Variants in CCDC88C observed in about 807,000 individuals in gnomAD.
CCDC88C encodes protein Daple.
In CCDC88C, 131 loss-of-function variants were observed where a neutral mutation model predicts 198.8. That is an observed-to-expected ratio of 0.66 (90% CI 0.57 to 0.76). CCDC88C has a LOEUF of 0.76. Ranked by LOEUF, CCDC88C falls within the 30% of genes least tolerant of loss-of-function variation. CCDC88C has a pLI of 0.00. For missense variants in CCDC88C, 2,553 were observed against 2,631.6 expected (o/e 0.97, Z 0.65); for synonymous variants, 1,166 against 1,114.7 (o/e 1.05, Z -0.92).
intron 4 of CCDC88C, among the ~76,000 whole-genome samples, chr14:91,349,356 G>A (rs1195997867): frequency 1.3e-5 from 2 of 152,222 alleles, no homozygotes; most frequent in Non-Finnish European, 2.9e-5. Flanking sequence ...GGCAAGTGTG[G>A]GCTTTCCAGG....
At chr14:91,403,659 C>T (rs1886336186) in intron 3 of CCDC88C, among the ~76,000 whole-genome samples, 1 of 152,394 alleles carries the variant, frequency 6.6e-6, no homozygotes, top group East Asian at 1.9e-4. Flanking sequence ...GTGAGCCTTA[C>T]AGGCTCGTGC....
chr14:91,346,572 C>T (rs1024575059), intron 4 of CCDC88C, among the ~76,000 whole-genome samples: 8 of 152,056 alleles, frequency 5.3e-5, no homozygotes, highest in Admixed American at 1.3e-4. Context: ...TCCCTATTAA[C>T]GTGGAGCTAT....
At chr14:91,412,682 A>G (rs956752600) in intron 2 of CCDC88C, among the ~76,000 whole-genome samples, 9 of 151,926 alleles carry the variant, frequency 5.9e-5, no homozygotes, top group South Asian at 2.1e-4. Context: ...TGATCCGCCC[A>G]CCTCAGCCTC....
At chr14:91,311,310 C>T (rs1473141020) in intron 15 of CCDC88C, among the ~76,000 whole-genome samples, 2 of 152,228 alleles carry the variant, frequency 1.3e-5, no homozygotes, top group African/African-American at 2.4e-5. Context: ...CCCCACAGCA[C>T]ATGGAATTGC....
chr14:91,398,156 C>T (rs1263108903), intron 3 of CCDC88C, among the ~76,000 whole-genome samples: 7 of 152,220 alleles, frequency 4.6e-5, no homozygotes, highest in Non-Finnish European at 1.0e-4. Context: ...CTGAGTCCCA[C>T]AGTTCCTCGC....
At position 91,294,309 on chromosome 14, in the gene CCDC88C, G is replaced by A. The variant is rs371122125; in HGVS notation, c.3976C>T (p.Arg1326Cys). 116 of 1,613,758 alleles carry A rather than the reference G, an allele frequency of 7.2e-5. No homozygotes were observed. The highest frequency in any genetic ancestry group is 3.4e-4 in the South Asian group (31 of 91,088). ...TCTTCCTCCAAGTTCCCCTTGAGAC[G>A]GGAGAGCAGCTAGAACACAGACCAA... ...KLDNHCELLSRLKGNLEEENH... is the reference protein window; with the variant it reads ...KLDNHCELLSCLKGNLEEENH... Residue 1326 changes from arginine (R) to cysteine (C), a missense_variant, in exon 23 of 30, where the codon CGT becomes TGT. This residue lies in a region of CCDC88C where 1,293 missense variants were observed against 1,219.6 expected (regional missense o/e 1.06). Coordinates refer to ENST00000389857, the MANE Select transcript of CCDC88C (RefSeq NM_001080414.4).
At chr14:91,297,552 C>G (rs1891064245) in intron 21 of CCDC88C, 61 bp from the exon 22 acceptor site, 1 of 1,514,946 alleles carries the variant, frequency 6.6e-7, no homozygotes, top group African/African-American at 1.4e-5. Context: ...GGTAACGGCC[C>G]AGAGACCTGG....
intron 2 of CCDC88C, among the ~76,000 whole-genome samples, chr14:91,409,662 A>G (rs1005213618): frequency 3.4e-5 from 5 of 147,652 alleles, no homozygotes; most frequent in Admixed American, 6.7e-5. Flanking sequence ...TAATTTTTGT[A>G]TTTTTAGTAA....
At chr14:91,319,717 C>T (rs1478290668) in intron 13 of CCDC88C, among the ~76,000 whole-genome samples, 4 of 152,332 alleles carry the variant, frequency 2.6e-5, no homozygotes, top group Non-Finnish European at 5.9e-5. Flanking sequence ...ATCCCCACAA[C>T]AGCCAGCATA....
chr14:91,295,438 C>T (rs1048509563), intron 22 of CCDC88C, among the ~76,000 whole-genome samples: 7 of 152,334 alleles, frequency 4.6e-5, no homozygotes, highest in African/African-American at 4.8e-5. Context: ...GGCAAGTCAG[C>T]GGTCTGCAGG....
rs3950029 is a variant in CCDC88C at position 91,283,421 on chromosome 14, G to A, written c.4538C>T (p.Ser1513Leu). The A allele has an allele frequency of 2.1e-4, 336 of 1,613,682 alleles. 2 individuals are homozygous for A. In the African/African-American group the frequency reaches 4.0e-3, roughly 19 times the overall value. The stretch of plus-strand genomic sequence containing the variant: ...TGAGCAAGTCCGGGAGCCCAGCTCC[G>A]AGGGCCAGGACCTCATGGCCAGATC... ...STDLAMRSWPSELGSRTCSTS... is the reference protein window; with the variant it reads ...STDLAMRSWPLELGSRTCSTS... Residue 1513 changes from serine to leucine, a missense_variant, in exon 26 of 30, where the codon TCG becomes TTG. Ser to Leu is a moderately radical substitution (Grantham distance 145). Around this residue, in one of 2 missense-constraint regions of CCDC88C, gnomAD observed 1,293 missense variants for 1,219.6 expected, o/e 1.06. Coordinates refer to ENST00000389857, the MANE Select transcript of CCDC88C (RefSeq NM_001080414.4).
At chr14:91,385,809 A>AT (rs1885097715) in intron 3 of CCDC88C, among the ~76,000 whole-genome samples, 2 of 151,678 alleles carry the variant, frequency 1.3e-5, no homozygotes, top group Admixed American at 6.5e-5. Flanking sequence ...TTAAAAAAAA[A>AT]AATAATTAAT....
chr14:91,318,319 T>C (rs1253611315), intron 13 of CCDC88C, among the ~76,000 whole-genome samples: 1 of 150,886 alleles, frequency 6.6e-6, no homozygotes, highest in Non-Finnish European at 1.5e-5. Flanking sequence ...GGGAGGCTGA[T>C]GTGGGAGGAT....
chr14:91,273,544 T>C lies in CCDC88C; in HGVS notation c.5168A>G (p.Lys1723Arg). 1 of 1,514,176 alleles carries C rather than the reference T, an allele frequency of 6.6e-7. No individual in the cohort carries two copies. Among genetic ancestry groups the C allele is most frequent in the South Asian group, 1.3e-5 (1 of 75,662 alleles). 93.8% of individuals were successfully genotyped at this position (1,514,176 alleles called of 1,614,324 possible). A position where few individuals can be genotyped will look rare whatever the true frequency, so the allele number is the denominator to read the frequency against. The change falls in exon 30 of 30, where the codon AAG becomes AGG. Residue 1723 changes from lysine to arginine, a missense_variant. Physicochemically the swap from Lys to Arg is conservative, Grantham distance 26. This residue lies in a region of CCDC88C where 1,293 missense variants were observed against 1,219.6 expected (regional missense o/e 1.06). Coordinates refer to ENST00000389857, the MANE Select transcript of CCDC88C (RefSeq NM_001080414.4). This position sits in a 1 kb window ranked among gnomAD's most constrained non-coding sequence, Gnocchi z 5.6. Reference sequence around the variant, plus strand: ...GGGGGCCACAAAGTTGGTGGGCATCTTGGCCCCTTCTTTCTTGGCAGGTGG... The same window carrying C: ...GGGGGCCACAAAGTTGGTGGGCATCCTGGCCCCTTCTTTCTTGGCAGGTGG... ...PGPPAKKEGA[K>R]MPTNFVAPTV...
At chr14:91,333,161 A>G (rs1892905530) in intron 10 of CCDC88C, among the ~76,000 whole-genome samples, 1 of 152,242 alleles carries the variant, frequency 6.6e-6, no homozygotes. Context: ...TGGCTGTACT[A>G]TAGGAATACA....
rs373081004 is a variant in CCDC88C at position 91,339,435 on chromosome 14, C to A, written c.652G>T (p.Asp218Tyr). The stretch of plus-strand genomic sequence containing the variant: ...GGTGGATGCTGTGCCTGCAGGTAGT[C>A]CCGTTCCTGAGTGAGGTCCACGATC... ...ELIVDLTQER[D>Y]YLQAQHPPSP... Residue 218 changes from aspartate to tyrosine, a missense_variant, in exon 8 of 30, where the codon GAC becomes TAC. Asp to Tyr is a radical substitution (Grantham distance 160, BLOSUM62 -3). Transcript: ENST00000389857. The surrounding 1 kb of genome is among the most constrained non-coding windows in gnomAD (Gnocchi z 5.8). 3.7e-6 allele frequency: 6 copies of A among 1,607,966 alleles called. No homozygotes were observed. The highest frequency in any genetic ancestry group is 5.1e-6 in the Non-Finnish European group (6 of 1,175,212).
chr14:91,384,807 C>T (rs1252011528), intron 3 of CCDC88C, among the ~76,000 whole-genome samples: 2 of 152,166 alleles, frequency 1.3e-5, no homozygotes, highest in African/African-American at 4.8e-5. Context: ...TCCTCCCCCA[C>T]TCCCTTCCTG....
chr14:91,339,440 T>C lies in CCDC88C; in HGVS notation c.647A>G (p.Glu216Gly). The change falls in exon 8 of 30, where the codon GAA becomes GGA. Residue 216 changes from glutamate (E) to glycine (G), a missense_variant. By Grantham distance (98) the Glu-to-Gly change is moderately conservative (BLOSUM62 -2). Around this residue, in one of 2 missense-constraint regions of CCDC88C, gnomAD observed 1,260 missense variants for 1,412.0 expected, o/e 0.89. Coordinates refer to ENST00000389857, the MANE Select transcript of CCDC88C (RefSeq NM_001080414.4). The surrounding 1 kb of genome is among the most constrained non-coding windows in gnomAD (Gnocchi z 5.8). ...ATGCTGTGCCTGCAGGTAGTCCCGT[T>C]CCTGAGTGAGGTCCACGATCAGCTG... is the stretch of plus-strand genomic sequence containing the variant. ...CTELIVDLTQ[E>G]RDYLQAQHPP... is the part of the protein sequence containing the mutation. 1.9e-6 allele frequency: 3 copies of C among 1,606,728 alleles called. No individual in the cohort carries two copies. Among genetic ancestry groups the C allele is most frequent in the Non-Finnish European group, 2.6e-6 (3 of 1,174,066 alleles).
intron 3 of CCDC88C, among the ~76,000 whole-genome samples, chr14:91,405,498 C>T (rs922463711): frequency 6.6e-6 from 1 of 152,108 alleles, no homozygotes; most frequent in South Asian, 2.1e-4. Context: ...TCTGGAATAC[C>T]CCTTTACTAT....
Sources: gnomAD v4.1 joint callset for allele counts (sites outside exome capture counted in the v4.1 genomes callset) on GRCh38, gnomAD v4.1.1 for gene constraint, gnomAD v4.1.1 regional missense constraint, Gnocchi (gnomAD v3.1) non-coding constraint, MANE v1.5 for transcripts, NCBI Gene and HGNC (gene_info 2026-07-23, HGNC 2026-07-21) for gene names.